The following JMJD1C variants were observed in gnomAD, a reference collection of about 807,000 sequenced individuals.
JMJD1C encodes the protein jumonji domain-containing protein 1C.
In JMJD1C, 31 loss-of-function variants were observed where a neutral mutation model predicts 245.3. That is an observed-to-expected ratio of 0.13 (90% CI 0.09 to 0.17). The LOEUF (loss-of-function observed/expected upper bound fraction) is 0.17, where lower values mean the gene tolerates loss of function less well. Among genes scored for constraint, JMJD1C ranks in the 10% least tolerant of loss-of-function variants. The probability of loss-of-function intolerance (pLI) is 1.00; values close to 1 mark genes in which losing one functional copy is unlikely to be tolerated. For synonymous variants in JMJD1C, 1,057 were observed against 1,017.4 expected (o/e 1.04, Z -0.74); for missense variants, 2,691 against 3,000.2 (o/e 0.90, Z 2.41).
intron 21 of JMJD1C, among the ~76,000 whole-genome samples, chr10:63,183,788 A>T (rs1186285936): frequency 6.6e-6 from 1 of 152,222 alleles, no homozygotes; most frequent in Non-Finnish European, 1.5e-5. Context: ...TTAAAAATCA[A>T]ATAAATAAAA....
At chr10:63,205,138 G>T in intron 10 of JMJD1C, 1 of 548,100 alleles carries the variant, frequency 1.8e-6, no homozygotes, top group Non-Finnish European at 2.3e-6. Context: ...TTGTCCAGCT[G>T]TTGCCACAAA....
chr10:63,175,504 G>A (rs1842795330), intron 24 of JMJD1C, among the ~76,000 whole-genome samples: 1 of 152,160 alleles, frequency 6.6e-6, no homozygotes, highest in Admixed American at 6.5e-5. Context: ...AGTAGTATTT[G>A]TATGGAAGAG....
In JMJD1C at chr10:63,462,649, C is replaced by T. The variant is rs117019682; in HGVS notation, c.168+2846G>A. 2.4e-3 allele frequency among the ~76,000 whole-genome samples: 364 copies of T among 152,172 alleles called. 3 individuals are homozygous for T. In the South Asian group the frequency reaches 0.029, roughly 12 times the overall value. On this transcript the variant is annotated intron_variant, in intron 1 of 25. Transcript: ENST00000399262. The stretch of plus-strand genomic sequence containing the variant: ...TTAGAAGGAGATGACTAGGGAAAAA[C>T]GGTCAGAGAGATACAACTTGGTTGG...
At chr10:63,274,564 CAA>C (rs964046227) in intron 2 of JMJD1C, among the ~76,000 whole-genome samples, 2 of 136,104 alleles carry the variant, frequency 1.5e-5, no homozygotes, top group Non-Finnish European at 3.2e-5. Context: ...GACTCAGTCT[CAA>C]AAAAAAAAAC....
intron 1 of JMJD1C, among the ~76,000 whole-genome samples, chr10:63,460,636 A>G (rs989775409): frequency 6.6e-6 from 1 of 152,224 alleles, no homozygotes; most frequent in Non-Finnish European, 1.5e-5. Flanking sequence ...AGTAAATGCT[A>G]GGTACGGTAC....
At chr10:63,223,360 T>C (rs1276329644) in intron 3 of JMJD1C, among the ~76,000 whole-genome samples, 1 of 151,820 alleles carries the variant, frequency 6.6e-6, no homozygotes, top group African/African-American at 2.4e-5. Context: ...CCTGAGTAGC[T>C]GGGATTACAG....
At chr10:63,197,345 T>A (rs563681589) in intron 13 of JMJD1C, 66 bp downstream of exon 13, 1 of 1,332,944 alleles carries the variant, frequency 7.5e-7, no homozygotes, top group South Asian at 1.3e-5. Context: ...ACATCTCATG[T>A]TCTAGAAGAG....
intron 1 of JMJD1C, among the ~76,000 whole-genome samples, chr10:63,440,942 G>C (rs765612438): frequency 3.9e-4 from 59 of 152,288 alleles, no homozygotes; most frequent in African/African-American, 1.4e-3. Flanking sequence ...CAAGTTAACA[G>C]TTATGAAGAC....
rs138051640 is a variant in JMJD1C at position 63,435,694 on chromosome 10, G to A, written c.168+29801C>T. Among the ~76,000 whole-genome samples, 304 of 152,272 alleles carry A rather than the reference G, an allele frequency of 2.0e-3. 2 individuals are homozygous for A. Among genetic ancestry groups the A allele is most frequent in the Non-Finnish European group, 2.2e-3 (148 of 68,036 alleles). Reference sequence around the variant, plus strand: ...GCGCGTGGACTGGCTGAGGTCAGGAGTTCGACACGAATCTGGCCAACATGG... The same window carrying A: ...GCGCGTGGACTGGCTGAGGTCAGGAATTCGACACGAATCTGGCCAACATGG... On this transcript the variant is annotated intron_variant, in intron 1 of 25. Transcript: ENST00000399262.
chr10:63,495,721 G>A (rs1954341715), intron 1 of JMJD1C, among the ~76,000 whole-genome samples: 1 of 146,870 alleles, frequency 6.8e-6, no homozygotes, highest in South Asian at 2.2e-4. Context: ...TCGCACCATT[G>A]CACTCCAGCC....
At chr10:63,520,404 T>C (rs10822179) in intron 1 of JMJD1C, among the ~76,000 whole-genome samples, 100,216 of 151,836 alleles carry the variant, frequency 0.66, 35,988 homozygotes, top group Non-Finnish European at 0.81. Context: ...CTTTTATTCT[T>C]CGCACCATCT....
At chr10:63,345,342 C>A (rs1475161117) in intron 2 of JMJD1C, among the ~76,000 whole-genome samples, 1 of 151,912 alleles carries the variant, frequency 6.6e-6, no homozygotes. Flanking sequence ...CAAAAATTAG[C>A]CGGGCGTGGT....
chr10:63,242,682 C>A (rs113882062), intron 3 of JMJD1C, among the ~76,000 whole-genome samples: 9,986 of 152,216 alleles, frequency 0.066, 449 homozygotes, highest in Non-Finnish European at 0.11. Flanking sequence ...AGCGAGACCA[C>A]GCCACTGCAC....
chr10:63,270,515 A>G (rs1856167262), intron 2 of JMJD1C, among the ~76,000 whole-genome samples: 1 of 151,464 alleles, frequency 6.6e-6, no homozygotes, highest in Admixed American at 6.6e-5. Flanking sequence ...TGCCCAGGCT[A>G]GAGTGCAGTG....
At chr10:63,432,547 T>C (rs1950819858) in intron 1 of JMJD1C, among the ~76,000 whole-genome samples, 1 of 152,176 alleles carries the variant, frequency 6.6e-6, no homozygotes, top group South Asian at 2.1e-4. Context: ...ATATTGTAAC[T>C]GACCATGAGG....
At chr10:63,243,188 C>T (rs1030507800) in intron 3 of JMJD1C, among the ~76,000 whole-genome samples, 6 of 148,940 alleles carry the variant, frequency 4.0e-5, no homozygotes, top group African/African-American at 1.2e-4. Context: ...GTAACTTATT[C>T]TACAATTGTT....
At chr10:63,484,587 G>A in intron 1 of JMJD1C, among the ~76,000 whole-genome samples, 1 of 151,658 alleles carries the variant, frequency 6.6e-6, no homozygotes, top group South Asian at 2.1e-4. Context: ...GAAAACATAA[G>A]ATCTTGATGA....
intron 24 of JMJD1C, among the ~76,000 whole-genome samples, chr10:63,169,060 A>G (rs1254481090): frequency 2.0e-5 from 3 of 152,210 alleles, no homozygotes; most frequent in Admixed American, 2.0e-4. Context: ...AGTCCCAGAC[A>G]GATCTACTGA....
At chr10:63,461,111 C>T (rs995246606) in intron 1 of JMJD1C, among the ~76,000 whole-genome samples, 2 of 152,104 alleles carry the variant, frequency 1.3e-5, no homozygotes, top group African/African-American at 4.8e-5. Context: ...AGTAACTGCA[C>T]GAGTTTATGT....
Sources: allele counts gnomAD v4.1 joint callset (sites outside exome capture counted in the v4.1 genomes callset), GRCh38; gene constraint gnomAD v4.1.1; transcripts MANE v1.5; gene names NCBI Gene and HGNC (gene_info 2026-07-23, HGNC 2026-07-21).